The following GNB5 variants were observed in gnomAD, a reference collection of about 807,000 sequenced individuals.
The protein encoded by GNB5 is guanine nucleotide-binding protein subunit beta-5.
A neutral mutation model predicts 55.3 loss-of-function variants in GNB5; 37 were observed. The ratio of observed to expected loss-of-function variants is 0.67; its 90% CI spans 0.51 to 0.88. The LOEUF (loss-of-function observed/expected upper bound fraction) is 0.88. Among genes scored for constraint, GNB5 ranks in the 40% least tolerant of loss-of-function variants. GNB5 has a pLI of 0.00. For missense variants in GNB5, 476 were observed against 515.3 expected (o/e 0.92, Z 0.74); for synonymous variants, 219 against 198.5 (o/e 1.10, Z -0.87).
chr15:52,153,947 G>C lies in GNB5; in HGVS notation c.368C>G (p.Ser123Trp). 1 of 1,611,390 alleles carries C rather than the reference G, an allele frequency of 6.2e-7. No homozygotes were observed. The highest frequency in any genetic ancestry group is 8.5e-7 in the Non-Finnish European group (1 of 1,178,076). ...GCAGCAGGTGTGACATACCTGTGACGAGCTCACGATCCTCCTCTTATCTTT... is the reference window on the plus strand; with the variant it reads ...GCAGCAGGTGTGACATACCTGTGACCAGCTCACGATCCTCCTCTTATCTTT... Reference protein sequence around the residue: ...WCKDKRRIVSSSQDGKVIVWD... With the variant: ...WCKDKRRIVSWSQDGKVIVWD... The change falls in exon 4 of 13, where the codon TCG becomes TGG. Residue 123 changes from serine (S) to tryptophan (W), a missense_variant. Physicochemically the swap from Ser to Trp is radical, Grantham distance 177. Transcript: ENST00000261837.
In GNB5 at chr15:52,115,177, C is replaced by T. The variant is rs1214931393; in HGVS notation, c.*7580G>A. On this transcript the variant is annotated 3_prime_UTR_variant, in exon 13 of 13. Transcript: ENST00000261837. ...GTACATTAAACTTTAGCAGCAAGAA[C>T]ATTGTTTTCTCTTAGATTTGCAGTA... 1 of 152,204 alleles carries T rather than the reference C, an allele frequency of 6.6e-6. No homozygotes were observed. Among genetic ancestry groups the T allele is most frequent in the Non-Finnish European group, 1.5e-5 (1 of 68,028 alleles). The allele number at this position is 152,204 out of a possible 1,614,324, so 9.4% of individuals were successfully genotyped here.
In GNB5 at chr15:52,157,956, T is replaced by C. The variant is rs146066941; in HGVS notation, c.239-3880A>G. 8.6e-4 allele frequency among the ~76,000 whole-genome samples: 131 copies of C among 152,076 alleles called. 1 individual carries two copies. The highest frequency in any genetic ancestry group is 1.7e-3 in the Non-Finnish European group (114 of 67,966). On this transcript the variant is annotated intron_variant, in intron 3 of 12. Transcript: ENST00000261837. ...TGTGCTGGGTATTATTTGTGTGAAC[T>C]TGGTTCAGGACACATGTAGTTTCCC...
chr15:52,171,723 A>C (rs1161778113), intron 3 of GNB5, among the ~76,000 whole-genome samples: 2 of 152,250 alleles, frequency 1.3e-5, no homozygotes, highest in Admixed American at 1.3e-4. Flanking sequence ...GCTCCAGGCT[A>C]ATCTAGAAAG....
chr15:52,187,841 C>T (rs906224281), intron 1 of GNB5, among the ~76,000 whole-genome samples: 27 of 151,892 alleles, frequency 1.8e-4, no homozygotes, highest in African/African-American at 6.3e-4. Flanking sequence ...CCCAGCTACT[C>T]GGGAGGCTGA....
At chr15:52,139,765 CT>C in intron 7 of GNB5, 1 of 1,200,322 alleles carries the variant, frequency 8.3e-7, no homozygotes, top group Non-Finnish European at 1.1e-6. Context: ...TGTGACTTCC[CT>C]TTATCTCCGG....
chr15:52,149,733 T>C, intron 5 of GNB5, 151 bp downstream of exon 5: 1 of 716,390 alleles, frequency 1.4e-6, no homozygotes, highest in Non-Finnish European at 2.6e-6. Flanking sequence ...CAAACACGGA[T>C]AGGCCTTCTT....
In GNB5 at chr15:52,174,722, G is replaced by C. The variant is rs943389942; in HGVS notation, c.238+5046C>G. ...TTTGGGCAAGTCCAAGCCAATAGGAGGTAACAACTATCCTGGTTTGCCTAG... is the reference window on the plus strand; with the variant it reads ...TTTGGGCAAGTCCAAGCCAATAGGACGTAACAACTATCCTGGTTTGCCTAG... On this transcript the variant is annotated intron_variant, in intron 3 of 12. Coordinates refer to ENST00000261837, the MANE Select transcript of GNB5 (RefSeq NM_016194.4). Among the ~76,000 whole-genome samples, 25 of 152,234 alleles carry C rather than the reference G, an allele frequency of 1.6e-4. No homozygotes were observed. In the South Asian group the frequency reaches 2.1e-3, roughly 13 times the overall value.
intron 9 of GNB5, 63 bp downstream of exon 9, chr15:52,133,315 G>C: frequency 8.6e-7 from 1 of 1,164,318 alleles, no homozygotes; most frequent in Non-Finnish European, 1.3e-6. Flanking sequence ...CTGGGCTAAG[G>C]ATTACCCAAG....
rs2033157978 is a variant in GNB5 at position 52,117,098 on chromosome 15, A to ATTTTTTTTTTTTTTT, written c.*5658_*5659insAAAAAAAAAAAAAAA. 2.3e-5 allele frequency: 2 copies of ATTTTTTTTTTTTTTT among 87,814 alleles called. No individual in the cohort carries two copies. The highest frequency in any genetic ancestry group is 2.5e-4 in the African/African-American group (2 of 8,136). The allele number at this position is 87,814 out of a possible 1,614,324, so 5.4% of individuals were successfully genotyped here. On this transcript the variant is annotated 3_prime_UTR_variant, in exon 13 of 13. Transcript: ENST00000261837. The stretch of plus-strand genomic sequence containing the variant: ...GCCACCACGCCCAGCTAATATATAT[A>ATTTTTTTTTTTTTTT]TATATTTTTTTTTAGTACAGACAGG...
At chr15:52,124,770 C>G in intron 11 of GNB5, 131 bp from the exon 12 acceptor site, 1 of 743,636 alleles carries the variant, frequency 1.3e-6, no homozygotes, top group East Asian at 2.5e-5. Flanking sequence ...TGCTTTGCCT[C>G]AAGGATTCAA....
intron 3 of GNB5, among the ~76,000 whole-genome samples, chr15:52,171,549 G>GA (rs1380835052): frequency 6.6e-6 from 1 of 152,220 alleles, no homozygotes; most frequent in Non-Finnish European, 1.5e-5. Context: ...AAAGGAAGGG[G>GA]AAAGGAAATG....
intron 2 of GNB5, among the ~76,000 whole-genome samples, chr15:52,182,651 A>G (rs1236131514): frequency 1.3e-5 from 2 of 152,130 alleles, no homozygotes; most frequent in African/African-American, 2.4e-5. Flanking sequence ...TCCTATTCAC[A>G]AAAAGGGCCC....
At chr15:52,146,357 T>C (rs528377425) in intron 6 of GNB5, among the ~76,000 whole-genome samples, 5 of 152,320 alleles carry the variant, frequency 3.3e-5, no homozygotes, top group African/African-American at 1.2e-4. Flanking sequence ...ATTATGTCGG[T>C]TTCAGTTCTC....
At chr15:52,137,936 TA>T (rs1378522283) in intron 7 of GNB5, 1 of 1,287,132 alleles carries the variant, frequency 7.8e-7, no homozygotes, top group Non-Finnish European at 1.0e-6. Flanking sequence ...TGCGGATGAT[TA>T]CTGATGGCTG....
rs755817181 is a variant in GNB5, at chr15:52,124,477, A to G, written c.1172T>C (p.Leu391Pro). ...ACAGAAAACCATCCCTCTTACTCTG[A>G]GGGTATGATCCCATGATCCAGAGCA... ...AFCSGSWDHT[L>P]RVWA The change falls in exon 12 of 13, where the codon CTC becomes CCC. Residue 391 changes from leucine (L) to proline (P), a missense_variant. By Grantham distance (98) the Leu-to-Pro change is moderately conservative. Coordinates refer to ENST00000261837, the MANE Select transcript of GNB5 (RefSeq NM_016194.4). 11 of 1,612,482 alleles carry G rather than the reference A, an allele frequency of 6.8e-6. No individual in the cohort carries two copies. Among genetic ancestry groups the G allele is most frequent in the Non-Finnish European group, 8.5e-6 (10 of 1,178,802 alleles).
intron 8 of GNB5, 148 bp from the exon 9 acceptor site, chr15:52,133,617 C>A: frequency 4.9e-6 from 3 of 611,090 alleles, no homozygotes; most frequent in Non-Finnish European, 8.9e-6. Context: ...TACCTGAGGG[C>A]ACTTTCCTTA....
At chr15:52,162,723 G>C (rs966567488) in intron 3 of GNB5, 3 of 152,168 alleles carry the variant, frequency 2.0e-5, no homozygotes, top group African/African-American at 7.2e-5. Flanking sequence ...AGTAGAATGG[G>C]ATAGGATGGA....
chr15:52,185,154 C>T (rs763652635), intron 1 of GNB5, among the ~76,000 whole-genome samples: 2 of 152,234 alleles, frequency 1.3e-5, no homozygotes, highest in Admixed American at 6.5e-5. Flanking sequence ...GTGTGGGTTC[C>T]GTGCAAGGCA....
At chr15:52,165,618 G>A (rs2034434958) in intron 3 of GNB5, among the ~76,000 whole-genome samples, 1 of 152,058 alleles carries the variant, frequency 6.6e-6, no homozygotes, top group South Asian at 2.1e-4. Flanking sequence ...AAGCAAAGAA[G>A]AAACAAGATC....
Sources: allele counts gnomAD v4.1 joint callset (sites outside exome capture counted in the v4.1 genomes callset), GRCh38; gene constraint gnomAD v4.1.1; transcripts MANE v1.5; gene names NCBI Gene and HGNC (gene_info 2026-07-23, HGNC 2026-07-21).